CLTRN: variants seen among roughly 807,000 people sequenced by gnomAD.
The protein encoded by CLTRN is collectrin.
Under a neutral mutation model 14.5 loss-of-function variants are expected in CLTRN, and 12 were observed. That is an observed-to-expected ratio of 0.83 (90% CI 0.53 to 1.34). CLTRN has a LOEUF of 1.34. Ranked by LOEUF, CLTRN falls within the 40% of genes most tolerant of loss-of-function variation. The pLI is 0.00. For missense variants in CLTRN, 154 were observed against 165.1 expected (o/e 0.93, Z 0.37); for synonymous variants, 58 against 56.5 (o/e 1.03, Z -0.12).
intron 5 of CLTRN, among the ~76,000 whole-genome samples, chrX:15,638,132 T>A (rs888276698): frequency 8.9e-6 from 1 of 112,195 alleles, no homozygotes; most frequent in African/African-American, 3.2e-5. Flanking sequence ...CATCTCAAGA[T>A]TAATACAAAA....
upstream of CLTRN, among the ~76,000 whole-genome samples, chrX:15,668,165 T>C (rs184304387): frequency 3.1e-3 from 352 of 112,294 alleles, no homozygotes; most frequent in Non-Finnish European, 5.5e-3. Context: ...TATATTTTCA[T>C]AGTTAGAATG....
At chrX:15,636,895 C>A in intron 5 of CLTRN, among the ~76,000 whole-genome samples, 1 of 111,399 alleles carries the variant, frequency 9.0e-6, no homozygotes, top group South Asian at 3.8e-4. Context: ...GGTGACTCAA[C>A]TAAGATTATA....
At chrX:15,637,787 C>T (rs935496923) in intron 5 of CLTRN, among the ~76,000 whole-genome samples, 6 of 112,059 alleles carry the variant, frequency 5.4e-5, no homozygotes, top group Non-Finnish European at 7.5e-5. Flanking sequence ...TTTTATCCCA[C>T]CAAGTTAATT....
intron 3 of CLTRN, among the ~76,000 whole-genome samples, chrX:15,650,896 G>A (rs1292910325): frequency 8.9e-6 from 1 of 112,011 alleles, no homozygotes; most frequent in Admixed American, 9.4e-5. Flanking sequence ...AGCAAAGGCT[G>A]TATATGAAGA....
intron 5 of CLTRN, among the ~76,000 whole-genome samples, chrX:15,635,369 C>G (rs1348509669): frequency 8.9e-6 from 1 of 111,741 alleles, no homozygotes; most frequent in Admixed American, 9.5e-5. Flanking sequence ...GACCAGTAGA[C>G]CTCATAGAAT....
At chrX:15,640,134 AG>A (rs1281819364) in intron 4 of CLTRN, among the ~76,000 whole-genome samples, 1 of 111,721 alleles carries the variant, frequency 9.0e-6, no homozygotes, top group African/African-American at 3.3e-5. Flanking sequence ...AAACAGAGCT[AG>A]GGGGTGGCGG....
chrX:15,659,069 G>A lies in CLTRN; in HGVS notation c.150C>T (p.Phe50=). 8.5e-7 allele frequency: 1 copy of A among 1,179,424 alleles called. No homozygotes were observed. Among genetic ancestry groups the A allele is most frequent in the Non-Finnish European group, 1.1e-6 (1 of 872,495 alleles). The change falls in exon 3 of 6, where the codon TTC becomes TTT. Residue 50 remains phenylalanine (F), a synonymous_variant. Coordinates refer to ENST00000380342, the MANE Select transcript of CLTRN (RefSeq NM_020665.6). ...YAWDTNEEYL[F]KAMVAFSMRK... is the part of the protein sequence containing the mutation. ...TCATGGAGAAAGCTACCATCGCTTTGAAGAGGTATTCTTCATTGGTATCCC... is the reference window on the plus strand; with the variant it reads ...TCATGGAGAAAGCTACCATCGCTTTAAAGAGGTATTCTTCATTGGTATCCC...
chrX:15,664,645 A>G, intron 1 of CLTRN, 73 bp downstream of exon 1: 1 of 971,551 alleles, frequency 1.0e-6, no homozygotes, highest in East Asian at 3.1e-5. Context: ...AAAAATAAAG[A>G]GTTCTTTCAG....
intron 4 of CLTRN, among the ~76,000 whole-genome samples, chrX:15,642,944 T>G (rs980390081): frequency 8.4e-5 from 9 of 107,702 alleles, no homozygotes; most frequent in Non-Finnish European, 1.3e-4. Flanking sequence ...AAAAAAAATT[T>G]AAATTAGCCA....
intron 3 of CLTRN, among the ~76,000 whole-genome samples, chrX:15,656,433 C>T (rs917359908): frequency 9.0e-6 from 1 of 111,209 alleles, no homozygotes; most frequent in Non-Finnish European, 1.9e-5. Context: ...TATTTTTGTG[C>T]TTTACAGTTT....
chrX:15,670,905 T>A (rs1289606592), intron 1 of CLTRN, among the ~76,000 whole-genome samples: 53 of 99,672 alleles, frequency 5.3e-4, no homozygotes, highest in African/African-American at 2.2e-3. Context: ...TGTGTGTGTG[T>A]GTGTGTGTGT....
chrX:15,666,935 A>C (rs970657277), upstream of CLTRN, among the ~76,000 whole-genome samples: 7 of 112,738 alleles, frequency 6.2e-5, no homozygotes, highest in African/African-American at 1.9e-4. Flanking sequence ...CTATGCTAAG[A>C]ACATAGAAAT....
chrX:15,630,363 AGAAGGAAGGAAG>A (rs67681066), intron 5 of CLTRN, among the ~76,000 whole-genome samples: 117 of 54,657 alleles, frequency 2.1e-3, no homozygotes, highest in Middle Eastern at 0.016. Flanking sequence ...ACCACAAGAA[AGAAGGAAGGAAG>A]GAAGGAAGGA....
intron 2 of CLTRN, among the ~76,000 whole-genome samples, chrX:15,660,961 A>T (rs1157432439): frequency 1.8e-5 from 2 of 112,662 alleles, no homozygotes; most frequent in African/African-American, 6.5e-5. Context: ...TGAACTTTTC[A>T]TTTGATATTA....
intron 5 of CLTRN, among the ~76,000 whole-genome samples, chrX:15,637,007 T>A (rs1398671058): frequency 9.0e-6 from 1 of 111,294 alleles, no homozygotes; most frequent in Non-Finnish European, 1.9e-5. Context: ...AATGGTGTTA[T>A]TGGCAAAGAT....
intron 3 of CLTRN, among the ~76,000 whole-genome samples, chrX:15,656,424 A>G (rs1462894180): frequency 3.6e-5 from 4 of 111,350 alleles, no homozygotes; most frequent in Non-Finnish European, 7.5e-5. Context: ...GATTTGGTTT[A>G]TTTTTGTGCT....
intron 2 of CLTRN, among the ~76,000 whole-genome samples, chrX:15,660,470 T>C (rs1287487295): frequency 6.4e-5 from 7 of 110,114 alleles, no homozygotes; most frequent in African/African-American, 2.3e-4. Context: ...CATTTTCTCC[T>C]TCAGTCCTAC....
intron 5 of CLTRN, among the ~76,000 whole-genome samples, chrX:15,632,757 G>A (rs1439624501): frequency 1.2e-4 from 13 of 106,408 alleles, no homozygotes; most frequent in African/African-American, 1.7e-4. Context: ...GGTGGCGGGC[G>A]CCTGTAGTCC....
At chrX:15,639,410 G>C in intron 5 of CLTRN, 152 bp downstream of exon 5, 4 of 495,968 alleles carry the variant, frequency 8.1e-6, no homozygotes, top group Non-Finnish European at 1.3e-5. Flanking sequence ...CTAAAGAAAA[G>C]AGCATAAGTG....
Sources: gnomAD v4.1 joint callset for allele counts (sites outside exome capture counted in the v4.1 genomes callset) on GRCh38, gnomAD v4.1.1 for gene constraint, MANE v1.5 for transcripts, NCBI Gene and HGNC (gene_info 2026-07-23, HGNC 2026-07-21) for gene names.